The following RAB3C variants were observed in gnomAD, a reference collection of about 807,000 sequenced individuals.
RAB3C encodes the protein RAB3C, member RAS oncogene family.
In RAB3C, 17 loss-of-function variants were observed where a neutral mutation model predicts 26.4. The observed-to-expected ratio is 0.64, with a 90% confidence interval of 0.44 to 0.97. RAB3C has a LOEUF of 0.97. Among genes scored for constraint, RAB3C ranks in the 50% least tolerant of loss-of-function variants. RAB3C has a pLI of 0.00. For missense variants in RAB3C, 242 were observed against 281.9 expected (o/e 0.86, Z 1.01); for synonymous variants, 91 against 95.9 (o/e 0.95, Z 0.30).
At position 58,837,375 on chromosome 5, in the gene RAB3C, T is replaced by G. The variant is rs551456608; in HGVS notation, c.496+12213T>G. On this transcript the variant is annotated intron_variant, in intron 4 of 4. Transcript: ENST00000282878. ...TTTTATATTTTTAGTAGAGATGGGGTTTTGCCATGTTTGCCAGGCTGGTCT... is the reference window on the plus strand; with the variant it reads ...TTTTATATTTTTAGTAGAGATGGGGGTTTGCCATGTTTGCCAGGCTGGTCT... Among the ~76,000 whole-genome samples, 9 of 152,040 alleles carry G rather than the reference T, an allele frequency of 5.9e-5. No individual in the cohort carries two copies. The East Asian group carries it at 1.7e-3, about 29-fold the overall frequency.
At position 58,583,097 on chromosome 5, in the gene RAB3C, A is replaced by G; in HGVS notation, c.-112A>G. On this transcript the variant is annotated 5_prime_UTR_variant, in exon 1 of 5. Transcript: ENST00000282878. Reference sequence around the variant, plus strand: ...TCCAGTGCTGATGTTGGAGCCGGTTAGCGAACCCCAAGAGTGCAGAGTGTG... The same window carrying G: ...TCCAGTGCTGATGTTGGAGCCGGTTGGCGAACCCCAAGAGTGCAGAGTGTG... 1 of 1,573,216 alleles carries G rather than the reference A, an allele frequency of 6.4e-7. No homozygotes were observed. Among genetic ancestry groups the G allele is most frequent in the Non-Finnish European group, 8.6e-7 (1 of 1,162,230 alleles).
In RAB3C at chr5:58,756,273, A is replaced by C. The variant is rs1014329764; in HGVS notation, c.371+30153A>C. On this transcript the variant is annotated intron_variant, in intron 3 of 4. Coordinates refer to ENST00000282878, the MANE Select transcript of RAB3C (RefSeq NM_138453.4). ...GGCCCTTTACGCCAAACATCAGTGC[A>C]TATTTCCTAAGAATGTAGATATTCT... Among the ~76,000 whole-genome samples the C allele has an allele frequency of 3.0e-4, 45 of 148,328 alleles. 1 individual carries two copies. Among genetic ancestry groups the C allele is most frequent in the Middle Eastern group, 3.3e-3 (1 of 306 alleles).
chr5:58,667,023 T>C (rs1052882291), intron 2 of RAB3C, among the ~76,000 whole-genome samples: 6 of 152,208 alleles, frequency 3.9e-5, no homozygotes, highest in African/African-American at 1.2e-4. Context: ...AGACAGACTA[T>C]GTGAAGTGTA....
At chr5:58,590,394 A>C (rs1746103166) in intron 1 of RAB3C, among the ~76,000 whole-genome samples, 1 of 151,634 alleles carries the variant, frequency 6.6e-6, no homozygotes, top group Admixed American at 6.6e-5. Context: ...ATTAATGTCA[A>C]CTTTTACCTT....
intron 3 of RAB3C, chr5:58,814,755 A>T (rs1434711547): frequency 6.6e-6 from 1 of 152,156 alleles, no homozygotes; most frequent in Non-Finnish European, 1.5e-5. Flanking sequence ...CCTTGCATAG[A>T]AGAAAAGAAA....
intron 3 of RAB3C, among the ~76,000 whole-genome samples, chr5:58,814,907 G>A (rs905603060): frequency 3.9e-5 from 6 of 152,124 alleles, no homozygotes; most frequent in Non-Finnish European, 8.8e-5. Flanking sequence ...TGGATGTGGT[G>A]CAAGGTAGTT....
At chr5:58,721,114 G>GTT (rs1206928398) in intron 2 of RAB3C, among the ~76,000 whole-genome samples, 1 of 151,640 alleles carries the variant, frequency 6.6e-6, no homozygotes, top group Non-Finnish European at 1.5e-5. Flanking sequence ...AGCTGTGAAT[G>GTT]TTTTCTATTT....
At chr5:58,616,056 C>CT (rs1746819921) in intron 1 of RAB3C, among the ~76,000 whole-genome samples, 1 of 151,866 alleles carries the variant, frequency 6.6e-6, no homozygotes, top group Non-Finnish European at 1.5e-5. Flanking sequence ...AGGCTGAGCA[C>CT]TGTTTCCTGT....
intron 3 of RAB3C, among the ~76,000 whole-genome samples, chr5:58,796,984 T>TACACACACAC (rs368267920): frequency 0.062 from 9,273 of 148,696 alleles, 330 homozygotes; most frequent in Non-Finnish European, 0.077. Flanking sequence ...TCTGACCCAC[T>TACACACACAC]ACACACACAC....
At chr5:58,827,153 T>C (rs1743501360) in intron 4 of RAB3C, among the ~76,000 whole-genome samples, 1 of 152,190 alleles carries the variant, frequency 6.6e-6, no homozygotes, top group Admixed American at 6.5e-5. Flanking sequence ...TTTTTTTTCT[T>C]AATCCTCTTA....
At chr5:58,682,698 A>G (rs1223212847) in intron 2 of RAB3C, among the ~76,000 whole-genome samples, 5 of 132,814 alleles carry the variant, frequency 3.8e-5, no homozygotes, top group African/African-American at 1.6e-4. Context: ...AGAAAAAAGA[A>G]AAAAAAAAAA....
At chr5:58,831,724 G>A (rs1229714467) in intron 4 of RAB3C, among the ~76,000 whole-genome samples, 3 of 152,146 alleles carry the variant, frequency 2.0e-5, no homozygotes, top group African/African-American at 7.2e-5. Context: ...AGGAGTCACT[G>A]CTAGGCCTCA....
chr5:58,660,379 A>G (rs1277608382), intron 2 of RAB3C, among the ~76,000 whole-genome samples: 1 of 150,028 alleles, frequency 6.7e-6, no homozygotes, highest in Admixed American at 6.6e-5. Context: ...GAAGTATAAT[A>G]TTTATTCTTC....
chr5:58,736,891 G>A (rs776659640), intron 3 of RAB3C, among the ~76,000 whole-genome samples: 2 of 152,098 alleles, frequency 1.3e-5, no homozygotes, highest in Non-Finnish European at 2.9e-5. Context: ...TGGTCTTCCT[G>A]CGTTTACTAC....
At chr5:58,675,208 C>T (rs1436880775) in intron 2 of RAB3C, among the ~76,000 whole-genome samples, 1 of 151,870 alleles carries the variant, frequency 6.6e-6, no homozygotes, top group Non-Finnish European at 1.5e-5. Flanking sequence ...GTGTCCATCT[C>T]GTATCCTGTT....
At chr5:58,691,504 C>CA (rs5868125) in intron 2 of RAB3C, among the ~76,000 whole-genome samples, 90,326 of 151,960 alleles carry the variant, frequency 0.59, 27,208 homozygotes, top group African/African-American at 0.67. Flanking sequence ...AACACTTTTA[C>CA]ATCTTTAAAT....
rs1020689384 is a variant in RAB3C at position 58,663,372 on chromosome 5, G to T, written c.252+45502G>T. On this transcript the variant is annotated intron_variant, in intron 2 of 4. Coordinates refer to ENST00000282878, the MANE Select transcript of RAB3C (RefSeq NM_138453.4). ...CATACCAATTCATATCAAAGGGATA[G>T]AATTAGTAGATCCATCCTTGGGCAG... Among the ~76,000 whole-genome samples, 64 of 150,248 alleles carry T rather than the reference G, an allele frequency of 4.3e-4. 9 individuals are homozygous for T. The highest frequency in any genetic ancestry group is 1.6e-3 in the African/African-American group (62 of 39,668).
At chr5:58,635,625 G>A (rs1747274011) in intron 2 of RAB3C, among the ~76,000 whole-genome samples, 1 of 152,152 alleles carries the variant, frequency 6.6e-6, no homozygotes, top group Admixed American at 6.5e-5. Flanking sequence ...TCAGGACCAG[G>A]GTTTGTACAT....
intron 2 of RAB3C, among the ~76,000 whole-genome samples, chr5:58,673,428 C>G (rs1748161955): frequency 6.7e-6 from 1 of 148,284 alleles, no homozygotes; most frequent in Admixed American, 6.8e-5. Flanking sequence ...TTTCTTTCTT[C>G]TTCTCAACGA....
Sources: gnomAD v4.1 joint callset for allele counts (sites outside exome capture counted in the v4.1 genomes callset) on GRCh38, gnomAD v4.1.1 for gene constraint, MANE v1.5 for transcripts, NCBI Gene and HGNC (gene_info 2026-07-23, HGNC 2026-07-21) for gene names.